Variants in VPS13D observed in about 807,000 individuals in gnomAD.
The protein encoded by VPS13D is intermembrane lipid transfer protein VPS13D.
VPS13D carries 187 observed loss-of-function variants against 461.9 expected under a neutral mutation model. The observed-to-expected ratio is 0.40, with a 90% CI of 0.36 to 0.46. The LOEUF (loss-of-function observed/expected upper bound fraction) is 0.46, where lower values mean the gene tolerates loss of function less well. VPS13D is among the 20% of genes least tolerant of loss of function. VPS13D has a pLI of 0.60. For synonymous variants in VPS13D, 1,951 were observed against 1,986.3 expected, an observed-to-expected ratio of 0.98 and a Z score of 0.47; for missense variants, 4,711 against 5,364.9, an observed-to-expected ratio of 0.88 and a Z score of 3.81.
At chr1:12,409,160 C>T (rs746169597) in intron 63 of VPS13D, among the ~76,000 whole-genome samples, 4 of 151,710 alleles carry the variant, frequency 2.6e-5, no homozygotes, top group Non-Finnish European at 5.9e-5. Flanking sequence ...TAGTCTTTTG[C>T]TGTTTTGAAT....
intron 47 of VPS13D, 24 bp downstream of exon 47, chr1:12,354,245 T>C: frequency 1.9e-6 from 3 of 1,611,952 alleles, no homozygotes; most frequent in Non-Finnish European, 1.7e-6. Flanking sequence ...CAGATGATCA[T>C]TTGTCATAAT....
intron 13 of VPS13D, among the ~76,000 whole-genome samples, chr1:12,262,955 C>G (rs763863711): frequency 3.3e-5 from 5 of 152,080 alleles, no homozygotes; most frequent in African/African-American, 9.7e-5. Flanking sequence ...CTGTCCTCCT[C>G]GGGTTCCCAA....
intron 38 of VPS13D, among the ~76,000 whole-genome samples, chr1:12,333,773 C>G (rs1056421014): frequency 6.6e-6 from 1 of 152,118 alleles, no homozygotes. Flanking sequence ...TTTGTTGTTT[C>G]CCATTATCAT....
At chr1:12,342,045 T>C (rs1260614196) in intron 41 of VPS13D, among the ~76,000 whole-genome samples, 160 bp downstream of exon 41, 4 of 152,238 alleles carry the variant, frequency 2.6e-5, no homozygotes, top group Admixed American at 6.5e-5. Flanking sequence ...GTTCTGGTTT[T>C]GTAGAGAATC....
At chr1:12,463,676 G>A (rs1206096130) in intron 67 of VPS13D, among the ~76,000 whole-genome samples, 1 of 152,162 alleles carries the variant, frequency 6.6e-6, no homozygotes, top group African/African-American at 2.4e-5. Context: ...GATTGCTGAA[G>A]CCTGGAAGGT....
intron 67 of VPS13D, among the ~76,000 whole-genome samples, chr1:12,492,876 A>G (rs899297419): frequency 6.6e-6 from 1 of 152,212 alleles, no homozygotes; most frequent in African/African-American, 2.4e-5. Flanking sequence ...TCCTTTTTCA[A>G]AAGCCCAAAA....
chr1:12,294,945 A>T (rs1642233489), intron 24 of VPS13D, among the ~76,000 whole-genome samples: 1 of 149,234 alleles, frequency 6.7e-6, no homozygotes, highest in African/African-American at 2.5e-5. Flanking sequence ...CTTTATGGCC[A>T]GGCGTGGTGG....
intron 65 of VPS13D, among the ~76,000 whole-genome samples, chr1:12,423,963 C>A (rs926456505): frequency 6.6e-6 from 1 of 152,134 alleles, no homozygotes; most frequent in African/African-American, 2.4e-5. Flanking sequence ...ATTCTGAAGG[C>A]GAAAAGGCAA....
chr1:12,311,774 A>C (rs1372410601), intron 28 of VPS13D, 39 bp from the exon 29 acceptor site: 2 of 1,596,940 alleles, frequency 1.3e-6, no homozygotes, highest in Non-Finnish European at 1.7e-6. Flanking sequence ...TTAGGATGGC[A>C]TCATCAGCTG....
chr1:12,380,517 A>G (rs1478386581), intron 57 of VPS13D, among the ~76,000 whole-genome samples: 1 of 152,226 alleles, frequency 6.6e-6, no homozygotes, highest in African/African-American at 2.4e-5. Flanking sequence ...CTACTTTCTA[A>G]GCAAATATGT....
At chr1:12,443,189 A>G (rs969831413) in intron 65 of VPS13D, among the ~76,000 whole-genome samples, 1 of 152,238 alleles carries the variant, frequency 6.6e-6, no homozygotes, top group East Asian at 1.9e-4. Context: ...TACCAAACAT[A>G]TATTTTTAAT....
chr1:12,358,883 T>A (rs887443767), intron 50 of VPS13D, among the ~76,000 whole-genome samples: 1 of 152,184 alleles, frequency 6.6e-6, no homozygotes, highest in Non-Finnish European at 1.5e-5. Flanking sequence ...CTTGAATCCT[T>A]GTTTTTCGGG....
intron 20 of VPS13D, among the ~76,000 whole-genome samples, chr1:12,281,157 G>A (rs544850871): frequency 6.6e-6 from 1 of 151,872 alleles, no homozygotes; most frequent in South Asian, 2.1e-4. Flanking sequence ...CAAAAACTAG[G>A]TGCTTCTTCT....
intron 2 of VPS13D, among the ~76,000 whole-genome samples, chr1:12,236,430 GAGTGC>G (rs1640149377): frequency 6.6e-6 from 1 of 152,048 alleles, no homozygotes; most frequent in Non-Finnish European, 1.5e-5. Context: ...ACCCAGGCTG[GAGTGC>G]AGTGGCGTGA....
At chr1:12,445,312 T>C (rs561687829) in intron 65 of VPS13D, among the ~76,000 whole-genome samples, 1 of 152,364 alleles carries the variant, frequency 6.6e-6, no homozygotes, top group South Asian at 2.1e-4. Flanking sequence ...TTTCTAGTCG[T>C]TGAAGGTTTT....
intron 62 of VPS13D, among the ~76,000 whole-genome samples, chr1:12,403,184 C>T (rs931759131): frequency 2.6e-5 from 4 of 152,242 alleles, no homozygotes; most frequent in Non-Finnish European, 5.9e-5. Context: ...GATGTGCATA[C>T]AGCATCAAGT....
chr1:12,498,621 G>A (rs760326716), intron 68 of VPS13D, among the ~76,000 whole-genome samples: 44 of 152,128 alleles, frequency 2.9e-4, no homozygotes, highest in Non-Finnish European at 5.0e-4. Context: ...TTCTTGTTTC[G>A]TCTACTTGGG....
In VPS13D at chr1:12,403,882, C is replaced by A; in HGVS notation, c.11939C>A (p.Pro3980Gln). ...HEKTAEQGGTPIRYYFENLKI... is the reference protein window; with the variant it reads ...HEKTAEQGGTQIRYYFENLKI... ...AAGACAGCTGAGCAAGGTGGAACAC[C>A]AATTCGATACTACTTTGAAAATCTC... The change falls in exon 63 of 70, where the codon CCA (proline) becomes CAA (glutamine). Residue 3980 changes from proline (P) to glutamine (Q), a missense_variant. Pro to Gln is a moderately conservative substitution (Grantham distance 76). This residue lies in a region of VPS13D where 4,411 missense variants were observed against 4,937.8 expected (regional missense o/e 0.89). Transcript: ENST00000620676. 1 of 1,612,622 alleles carries A rather than the reference C, an allele frequency of 6.2e-7. No homozygotes were observed. Among genetic ancestry groups the A allele is most frequent in the East Asian group, 2.2e-5 (1 of 44,716 alleles).
At chr1:12,415,063 T>C in intron 63 of VPS13D, 24 bp from the exon 64 acceptor site, 16 of 1,613,032 alleles carry the variant, frequency 9.9e-6, no homozygotes, top group Non-Finnish European at 1.3e-5. Flanking sequence ...CTTAAGTATG[T>C]CATTTCCTTT....
Sources: allele counts gnomAD v4.1 joint callset (sites outside exome capture counted in the v4.1 genomes callset), GRCh38; gene constraint gnomAD v4.1.1; regional missense constraint gnomAD v4.1.1; transcripts MANE v1.5; gene names NCBI Gene and HGNC (gene_info 2026-07-23, HGNC 2026-07-21).